RANBP2: variants seen among roughly 807,000 people sequenced by gnomAD.
RANBP2 encodes RAN binding protein 2.
A neutral mutation model predicts 303.6 loss-of-function variants in RANBP2; 57 were observed. That is an observed-to-expected ratio of 0.19 (90% CI 0.15 to 0.23). RANBP2 has a LOEUF of 0.23. RANBP2 is among the 10% of genes least tolerant of loss of function. RANBP2 has a pLI of 1.00. For missense variants in RANBP2, 3,138 were observed against 3,780.8 expected, an observed-to-expected ratio of 0.83 and a Z score of 4.46; for synonymous variants, 1,167 against 1,301.5, an observed-to-expected ratio of 0.90 and a Z score of 2.23.
the RANBP2 span, chr2:108,839,424 G>A: frequency 1.3e-6 from 1 of 774,814 alleles, no homozygotes; most frequent in Non-Finnish European, 1.9e-6. Context: ...CCCTATCTAT[G>A]TCTTGCTGGG....
At chr2:109,652,313 C>T in the RANBP2 span, among the ~76,000 whole-genome samples, 3 of 152,076 alleles carry the variant, frequency 2.0e-5, no homozygotes, top group African/African-American at 7.2e-5. Context: ...AGCTCCGCCT[C>T]CCAGGTTCAC....
chr2:109,557,198 A>C, the RANBP2 span, among the ~76,000 whole-genome samples: 3 of 152,176 alleles, frequency 2.0e-5, no homozygotes, highest in Non-Finnish European at 1.5e-5. Flanking sequence ...AAATTATAAA[A>C]AAAATCTTGA....
chr2:109,576,618 AAAG>A, the RANBP2 span, among the ~76,000 whole-genome samples: 10 of 152,194 alleles, frequency 6.6e-5, no homozygotes, highest in Non-Finnish European at 1.2e-4. Flanking sequence ...TAAAAATTCC[AAAG>A]AAGCTTTTAT....
chr2:109,695,525 C>T, the RANBP2 span, among the ~76,000 whole-genome samples: 1 of 152,168 alleles, frequency 6.6e-6, no homozygotes, highest in Admixed American at 6.6e-5. Flanking sequence ...GCAGGTGCTA[C>T]CGGTGGGGCT....
At chr2:109,698,022 G>A in the RANBP2 span, among the ~76,000 whole-genome samples, 5 of 151,842 alleles carry the variant, frequency 3.3e-5, no homozygotes, top group African/African-American at 1.2e-4. Context: ...ACCATGCCCA[G>A]CTAATTTTTG....
the RANBP2 span, among the ~76,000 whole-genome samples, chr2:109,570,091 G>A: frequency 6.1e-4 from 93 of 152,150 alleles, 1 homozygote; most frequent in South Asian, 2.1e-3. Flanking sequence ...GCATATCCTA[G>A]TTTTTCTTTT....
the RANBP2 span, among the ~76,000 whole-genome samples, chr2:109,589,108 T>G: frequency 1.3e-5 from 2 of 151,716 alleles, no homozygotes; most frequent in African/African-American, 4.9e-5. Flanking sequence ...TGTGGTTTTT[T>G]TGTTTGTTTG....
At chr2:109,415,566 A>G in the RANBP2 span, among the ~76,000 whole-genome samples, 6 of 151,870 alleles carry the variant, frequency 4.0e-5, no homozygotes, top group African/African-American at 1.2e-4. Context: ...GCTCCCTCGC[A>G]CTTCCTGATG....
chr2:108,931,525 A>C, the RANBP2 span, among the ~76,000 whole-genome samples: 1 of 152,202 alleles, frequency 6.6e-6, no homozygotes, highest in Non-Finnish European at 1.5e-5. Flanking sequence ...TTGTCCATCA[A>C]AGTGGACAAG....
Position 108,763,720 on chromosome 2 carries a change from A to G in RANBP2, c.3181A>G (p.Ser1061Gly), listed in dbSNP as rs369162757. ...GACACAGCCCCCTCCTGCAGCTTAC[A>G]GTAACAGTGAAAGCCTTTTAGGTCT... ...VVTQPPPAAY[S>G]NSESLLGLLT... Residue 1061 changes from serine (S) to glycine (G), a missense_variant, in exon 20 of 29, where the codon AGT becomes GGT. Physicochemically the swap from Ser to Gly is moderately conservative, Grantham distance 56 (BLOSUM62 0). Around this residue, in one of 20 missense-constraint regions of RANBP2, gnomAD observed 403 missense variants for 376.7 expected, o/e 1.07. Coordinates refer to ENST00000283195, the MANE Select transcript of RANBP2 (RefSeq NM_006267.5). The G allele has an allele frequency of 9.9e-6, 16 of 1,614,108 alleles. No individual in the cohort carries two copies. The African/African-American group carries it at 1.6e-4, about 16-fold the overall frequency.
the RANBP2 span, among the ~76,000 whole-genome samples, chr2:109,412,658 C>G: frequency 6.6e-6 from 1 of 152,220 alleles, no homozygotes; most frequent in Non-Finnish European, 1.5e-5. Flanking sequence ...GAGAAAGATA[C>G]GGGCTTACCG....
the RANBP2 span, among the ~76,000 whole-genome samples, chr2:109,121,330 A>G: frequency 1.3e-5 from 2 of 152,234 alleles, no homozygotes; most frequent in African/African-American, 4.8e-5. Context: ...GGACCTGGGT[A>G]TCTGAAAATT....
the RANBP2 span, among the ~76,000 whole-genome samples, chr2:108,991,484 A>G: frequency 6.6e-6 from 1 of 152,244 alleles, no homozygotes; most frequent in Non-Finnish European, 1.5e-5. Flanking sequence ...GAACAAATTT[A>G]GAAATGATGA....
the RANBP2 span, among the ~76,000 whole-genome samples, chr2:109,739,329 G>A: frequency 1.4e-5 from 2 of 145,224 alleles, no homozygotes; most frequent in East Asian, 2.0e-4. Flanking sequence ...ATTGCTTTGG[G>A]TAGTATGGAC....
chr2:109,275,985 G>T, the RANBP2 span, among the ~76,000 whole-genome samples: 1 of 152,136 alleles, frequency 6.6e-6, no homozygotes, highest in Non-Finnish European at 1.5e-5. Context: ...GAGGGGAGAC[G>T]AACATGCCCC....
chr2:108,958,841 T>G, the RANBP2 span, among the ~76,000 whole-genome samples: 1 of 105,362 alleles, frequency 9.5e-6, no homozygotes, highest in Non-Finnish European at 1.6e-5. Context: ...CCAGAGATAG[T>G]GGGCTCTCCA....
chr2:109,343,398 G>C, the RANBP2 span, among the ~76,000 whole-genome samples: 1 of 151,546 alleles, frequency 6.6e-6, no homozygotes, highest in African/African-American at 2.4e-5. Flanking sequence ...AATGTGTCCT[G>C]CATCTTAAAA....
chr2:109,472,439 C>A, the RANBP2 span, among the ~76,000 whole-genome samples: 1 of 152,144 alleles, frequency 6.6e-6, no homozygotes, highest in Non-Finnish European at 1.5e-5. Flanking sequence ...GCTTGCGGGG[C>A]TTCCCGACGG....
At chr2:109,405,471 G>A in the RANBP2 span, among the ~76,000 whole-genome samples, 2 of 152,028 alleles carry the variant, frequency 1.3e-5, no homozygotes. Flanking sequence ...GTCCATTCCC[G>A]TGAGCCTGTG....
Sources: allele counts gnomAD v4.1 joint callset (sites outside exome capture counted in the v4.1 genomes callset), GRCh38; gene constraint gnomAD v4.1.1; regional missense constraint gnomAD v4.1.1; transcripts MANE v1.5; gene names NCBI Gene and HGNC (gene_info 2026-07-23, HGNC 2026-07-21).